The following THADA variants were observed in gnomAD, a reference collection of about 807,000 sequenced individuals.
THADA encodes the protein THADA armadillo repeat containing.
THADA carries 213 observed loss-of-function variants against 219.8 expected under a neutral mutation model. That is an observed-to-expected ratio of 0.97 (90% CI 0.87 to 1.09). THADA has a LOEUF of 1.09. THADA is among the 50% of genes least tolerant of loss of function. The pLI, the probability that THADA is intolerant of heterozygous loss-of-function variation, is 0.00. For synonymous variants in THADA, 1,018 were observed against 828.9 expected, an observed-to-expected ratio of 1.23 and a Z score of -3.92; for missense variants, 2,956 against 2,311.3, an observed-to-expected ratio of 1.28 and a Z score of -5.72.
chr2:43,384,671 A>G (rs185973151), intron 29 of THADA, among the ~76,000 whole-genome samples: 1 of 152,324 alleles, frequency 6.6e-6, no homozygotes. Flanking sequence ...TTTTCAGTAT[A>G]AGAAAAATTT....
chr2:43,329,398 T>G (rs1307349383), intron 30 of THADA, among the ~76,000 whole-genome samples: 1 of 152,132 alleles, frequency 6.6e-6, no homozygotes, highest in Non-Finnish European at 1.5e-5. Context: ...GCTATGTAAA[T>G]CACAAGGGGA....
intron 22 of THADA, among the ~76,000 whole-genome samples, chr2:43,515,158 TATATATA>T (rs1691354911): frequency 8.8e-4 from 2 of 2,264 alleles, no homozygotes; most frequent in Non-Finnish European, 1.3e-3. Flanking sequence ...TTTTATATAT[TATATATA>T]ATATATTATA....
chr2:43,326,956 T>C (rs1262145808), intron 30 of THADA, among the ~76,000 whole-genome samples: 3 of 151,696 alleles, frequency 2.0e-5, no homozygotes, highest in Non-Finnish European at 4.4e-5. Context: ...ACTTTATTAA[T>C]ACAGAAACAT....
chr2:43,385,425 T>C (rs889676761), intron 29 of THADA, among the ~76,000 whole-genome samples: 5 of 151,644 alleles, frequency 3.3e-5, no homozygotes, highest in Admixed American at 3.3e-4. Context: ...GCTAACATGG[T>C]GAAACCCCGT....
intron 25 of THADA, among the ~76,000 whole-genome samples, chr2:43,486,166 AAATGT>A (rs1332680426): frequency 8.5e-5 from 13 of 152,318 alleles, no homozygotes; most frequent in African/African-American, 3.1e-4. Flanking sequence ...GTTAAATCCA[AAATGT>A]TGCTTATCAG....
intron 30 of THADA, among the ~76,000 whole-genome samples, chr2:43,331,062 C>A (rs1679905092): frequency 6.6e-6 from 1 of 152,144 alleles, no homozygotes; most frequent in South Asian, 2.1e-4. Flanking sequence ...GGAAGGAAGC[C>A]ATGCAGGTGG....
At chr2:43,283,308 CA>C (rs997088409) in intron 35 of THADA, among the ~76,000 whole-genome samples, 9 of 152,260 alleles carry the variant, frequency 5.9e-5, no homozygotes, top group African/African-American at 1.9e-4. Flanking sequence ...TGGACCAATA[CA>C]GAAAATTGGT....
intron 31 of THADA, among the ~76,000 whole-genome samples, chr2:43,302,337 T>G (rs1414744272): frequency 6.6e-6 from 1 of 152,218 alleles, no homozygotes; most frequent in Non-Finnish European, 1.5e-5. Context: ...CTGGAGCTTT[T>G]TTCAGCCCTC....
At chr2:43,298,606 T>TAAA (rs368669954) in intron 31 of THADA, among the ~76,000 whole-genome samples, 4,840 of 146,738 alleles carry the variant, frequency 0.033, 145 homozygotes, top group South Asian at 0.17. Flanking sequence ...AAAAAAAAAT[T>TAAA]AAAAAAAAAA....
At chr2:43,264,540 C>A (rs11696081) in intron 36 of THADA, among the ~76,000 whole-genome samples, 9,121 of 152,204 alleles carry the variant, frequency 0.06, 367 homozygotes, top group South Asian at 0.18. Flanking sequence ...CCACCTCTGC[C>A]TCCCAAAGTG....
chr2:43,413,255 TG>T (rs1676516370), intron 28 of THADA, among the ~76,000 whole-genome samples: 1 of 152,108 alleles, frequency 6.6e-6, no homozygotes, highest in South Asian at 2.1e-4. Flanking sequence ...CCAGGTAACA[TG>T]TTTGCAGGGT....
chr2:43,428,690 T>C (rs1678837056), intron 27 of THADA, among the ~76,000 whole-genome samples: 1 of 152,172 alleles, frequency 6.6e-6, no homozygotes, highest in African/African-American at 2.4e-5. Flanking sequence ...CGTTCACTTC[T>C]TATCTCCCAA....
At chr2:43,252,964 T>C (rs1669953246) in intron 36 of THADA, among the ~76,000 whole-genome samples, 1 of 152,232 alleles carries the variant, frequency 6.6e-6, no homozygotes, top group Admixed American at 6.5e-5. Flanking sequence ...ATCTTTTCCC[T>C]GTCTCTACAT....
chr2:43,581,714 C>T (rs1700478991), intron 8 of THADA, 27 bp downstream of exon 8: 1 of 1,568,786 alleles, frequency 6.4e-7, no homozygotes, highest in Non-Finnish European at 8.7e-7. Flanking sequence ...AATTATATAT[C>T]ATTTGTATAT....
chr2:43,416,704 T>C (rs1482585895), intron 28 of THADA, among the ~76,000 whole-genome samples: 3 of 152,098 alleles, frequency 2.0e-5, no homozygotes, highest in East Asian at 3.9e-4. Flanking sequence ...CTGGTAACCT[T>C]TGGATAATTA....
intron 11 of THADA, among the ~76,000 whole-genome samples, chr2:43,573,774 G>T (rs1699546465): frequency 6.6e-6 from 1 of 152,180 alleles, no homozygotes; most frequent in Non-Finnish European, 1.5e-5. Flanking sequence ...GATGTGTCAT[G>T]ATCATCACTT....
chr2:43,263,401 G>C (rs553318466), intron 36 of THADA, among the ~76,000 whole-genome samples: 4 of 151,916 alleles, frequency 2.6e-5, no homozygotes, highest in African/African-American at 7.3e-5. Context: ...GTGGGTGATT[G>C]GGGGGGCATT....
intron 29 of THADA, among the ~76,000 whole-genome samples, chr2:43,358,068 C>A (rs4580428): frequency 6.6e-6 from 1 of 151,924 alleles, no homozygotes; most frequent in Non-Finnish European, 1.5e-5. Context: ...AGACTGCATA[C>A]CTGATTCAGC....
chr2:43,320,918 A>G (rs1214362701), intron 30 of THADA, among the ~76,000 whole-genome samples: 2 of 146,366 alleles, frequency 1.4e-5, no homozygotes, highest in African/African-American at 5.1e-5. Flanking sequence ...AATTTGGGGG[A>G]AAAAAAATCA....
Sources: allele counts gnomAD v4.1 joint callset (sites outside exome capture counted in the v4.1 genomes callset), GRCh38; gene constraint gnomAD v4.1.1; transcripts MANE v1.5; gene names NCBI Gene and HGNC (gene_info 2026-07-23, HGNC 2026-07-21).